The following RAPGEF4 variants were observed in gnomAD, a reference collection of about 807,000 sequenced individuals.
RAPGEF4 encodes RAP guanine-nucleotide-exchange factor (GEF) 4.
In RAPGEF4, 66 loss-of-function variants were observed where a neutral mutation model predicts 147.9. That is an observed-to-expected ratio of 0.45 (90% confidence interval 0.37 to 0.55). RAPGEF4 has a LOEUF of 0.55. Ranked by LOEUF, RAPGEF4 falls within the 20% of genes least tolerant of loss-of-function variation. The probability of loss-of-function intolerance (pLI) is 0.00; values close to 1 mark genes in which losing one functional copy is unlikely to be tolerated. For missense variants in RAPGEF4, 1,071 were observed against 1,257.3 expected (o/e 0.85, Z 2.24); for synonymous variants, 419 against 442.7 (o/e 0.95, Z 0.67).
At chr2:172,747,486 A>G (rs938253654) in intron 1 of RAPGEF4, among the ~76,000 whole-genome samples, 1 of 152,100 alleles carries the variant, frequency 6.6e-6, no homozygotes, top group African/African-American at 2.4e-5. Context: ...TTATTTTTTG[A>G]GATAGGATCT....
At chr2:172,960,041 T>C (rs1689126507) in intron 6 of RAPGEF4, among the ~76,000 whole-genome samples, 2 of 152,096 alleles carry the variant, frequency 1.3e-5, no homozygotes, top group Non-Finnish European at 2.9e-5. Flanking sequence ...TGCAGTGAGC[T>C]AGGATCACAC....
intron 4 of RAPGEF4, among the ~76,000 whole-genome samples, chr2:172,856,730 C>A (rs547067337): frequency 6.6e-6 from 1 of 152,116 alleles, no homozygotes; most frequent in African/African-American, 2.4e-5. Flanking sequence ...TTGGTCAGAT[C>A]TCATGTAGTC....
At chr2:173,031,526 G>A (rs1452592963) in intron 26 of RAPGEF4, among the ~76,000 whole-genome samples, 1 of 152,078 alleles carries the variant, frequency 6.6e-6, no homozygotes, top group African/African-American at 2.4e-5. Context: ...AGTTGGTTGG[G>A]GACATTTTAA....
intron 3 of RAPGEF4, among the ~76,000 whole-genome samples, chr2:172,806,439 C>T (rs1687503596): frequency 6.6e-6 from 1 of 152,148 alleles, no homozygotes; most frequent in Non-Finnish European, 1.5e-5. Flanking sequence ...GCACAGTTAG[C>T]TTACTTGTAA....
intron 25 of RAPGEF4, among the ~76,000 whole-genome samples, chr2:173,029,389 A>G (rs1262634174): frequency 6.6e-6 from 1 of 152,242 alleles, no homozygotes; most frequent in Non-Finnish European, 1.5e-5. Context: ...GGGACCTGGT[A>G]TGAAGAAGTT....
At chr2:172,949,201 G>A (rs988432390) in intron 6 of RAPGEF4, among the ~76,000 whole-genome samples, 2 of 152,124 alleles carry the variant, frequency 1.3e-5, no homozygotes, top group South Asian at 2.1e-4. Context: ...ACTCCTCAGA[G>A]ATTTCTCTAC....
intron 17 of RAPGEF4, among the ~76,000 whole-genome samples, chr2:173,003,199 C>G (rs1421314896): frequency 2.0e-5 from 3 of 151,836 alleles, no homozygotes; most frequent in Non-Finnish European, 4.4e-5. Flanking sequence ...TGACTGAGAA[C>G]ATTCAAATCA....
chr2:172,832,167 T>A (rs564680716), intron 4 of RAPGEF4, among the ~76,000 whole-genome samples: 2 of 152,222 alleles, frequency 1.3e-5, no homozygotes, highest in South Asian at 4.1e-4. Context: ...TGTTGTCTTT[T>A]GGTTGCCGGT....
intron 22 of RAPGEF4, among the ~76,000 whole-genome samples, chr2:173,019,257 C>T (rs1178993937): frequency 6.6e-6 from 1 of 152,218 alleles, no homozygotes; most frequent in African/African-American, 2.4e-5. Flanking sequence ...GAGCCTGGCT[C>T]AAATGAAATG....
intron 1 of RAPGEF4, among the ~76,000 whole-genome samples, chr2:172,793,472 C>A (rs1298159762): frequency 2.6e-5 from 4 of 152,202 alleles, no homozygotes; most frequent in Admixed American, 6.5e-5. Context: ...CCAGCCCCAA[C>A]ATAACTACAA....
intron 4 of RAPGEF4, among the ~76,000 whole-genome samples, chr2:172,883,751 T>C (rs983525433): frequency 6.6e-6 from 1 of 152,128 alleles, no homozygotes; most frequent in Non-Finnish European, 1.5e-5. Context: ...GGGAGAGGAC[T>C]TAAGCCACAG....
chr2:172,762,862 A>G (rs969591188), intron 1 of RAPGEF4, among the ~76,000 whole-genome samples: 1 of 152,188 alleles, frequency 6.6e-6, no homozygotes, highest in Non-Finnish European at 1.5e-5. Flanking sequence ...CTGATTGTGG[A>G]CTTGCAAGGC....
chr2:172,767,031 T>C (rs1696910799), intron 1 of RAPGEF4, among the ~76,000 whole-genome samples: 1 of 152,218 alleles, frequency 6.6e-6, no homozygotes, highest in Non-Finnish European at 1.5e-5. Context: ...AACTTTCTTT[T>C]AAAATGTGCC....
chr2:172,978,205 C>G (rs61595530), intron 10 of RAPGEF4, among the ~76,000 whole-genome samples: 5 of 152,024 alleles, frequency 3.3e-5, no homozygotes, highest in East Asian at 1.9e-4. Context: ...CACACCCCCC[C>G]CAGAGCTTCC....
chr2:172,930,797 A>G (rs956019173), intron 6 of RAPGEF4, among the ~76,000 whole-genome samples: 1 of 152,200 alleles, frequency 6.6e-6, no homozygotes, highest in Non-Finnish European at 1.5e-5. Flanking sequence ...TTATTTGCAT[A>G]CATGATTTAT....
rs552215864 is a variant in RAPGEF4 at position 172,922,230 on chromosome 2, C to A, written c.518-51C>A. On this transcript the variant is annotated intron_variant, in intron 5 of 30. Transcript: ENST00000397081. Reference sequence around the variant, plus strand: ...CAGCAAAATTTCAATTCCACTTTACCGGTTGATTATACAATTCATGGCCTC... The same window carrying A: ...CAGCAAAATTTCAATTCCACTTTACAGGTTGATTATACAATTCATGGCCTC... The A allele has an allele frequency of 2.6e-6, 4 of 1,565,674 alleles. No individual in the cohort carries two copies. The African/African-American group carries it at 4.1e-5, about 16-fold the overall frequency.
chr2:172,983,685 T>G, intron 11 of RAPGEF4, 105 bp downstream of exon 11: 1 of 1,491,934 alleles, frequency 6.7e-7, no homozygotes, highest in Non-Finnish European at 8.9e-7. Context: ...ATGTCTGATT[T>G]TCACCTCATA....
At position 172,854,126 on chromosome 2, in the gene RAPGEF4, G is replaced by A. The variant is rs1014530321; in HGVS notation, c.444+39701G>A. On this transcript the variant is annotated intron_variant, in intron 4 of 30. Transcript: ENST00000397081. Reference sequence around the variant, plus strand: ...TTAGGTCAATGTAGTTGGTAGTGATGTTCAGGTCTTATATGTCCCCACTGA... The same window carrying A: ...TTAGGTCAATGTAGTTGGTAGTGATATTCAGGTCTTATATGTCCCCACTGA... Among the ~76,000 whole-genome samples, 8 of 151,962 alleles carry A rather than the reference G, an allele frequency of 5.3e-5. No individual in the cohort carries two copies. In the South Asian group the frequency reaches 1.5e-3, roughly 28 times the overall value.
chr2:172,746,895 G>A (rs191762029), intron 1 of RAPGEF4, among the ~76,000 whole-genome samples: 17 of 152,288 alleles, frequency 1.1e-4, no homozygotes, highest in African/African-American at 3.4e-4. Context: ...TTACAGGCTT[G>A]AGCCACTGCG....
Sources: gnomAD v4.1 joint callset for allele counts (sites outside exome capture counted in the v4.1 genomes callset) on GRCh38, gnomAD v4.1.1 for gene constraint, MANE v1.5 for transcripts, NCBI Gene and HGNC (gene_info 2026-07-23, HGNC 2026-07-21) for gene names.